The following LIMCH1 variants were observed in gnomAD, a reference collection of about 807,000 sequenced individuals.
LIMCH1 encodes the protein LIM and calponin homology domains-containing protein 1.
Under a neutral mutation model 176.5 loss-of-function variants are expected in LIMCH1, and 113 were observed. The ratio of observed to expected loss-of-function variants is 0.64; its 90% CI spans 0.55 to 0.75. LIMCH1 has a LOEUF of 0.75. LIMCH1 is among the 30% of genes least tolerant of loss of function. The pLI is 0.00. For synonymous variants in LIMCH1, 619 were observed against 645.9 expected (o/e 0.96, Z 0.63); for missense variants, 1,674 against 1,814.9 (o/e 0.92, Z 1.41).
chr4:41,589,155 A>G (rs1325630661), intron 1 of LIMCH1, among the ~76,000 whole-genome samples: 2 of 152,224 alleles, frequency 1.3e-5, no homozygotes, highest in South Asian at 2.1e-4. Context: ...AAGTTTGTAA[A>G]TGAAAGAGCA....
At chr4:41,515,823 G>A (rs934153672) in intron 2 of LIMCH1, among the ~76,000 whole-genome samples, 2 of 152,196 alleles carry the variant, frequency 1.3e-5, no homozygotes, top group South Asian at 2.1e-4. Flanking sequence ...CTAAAGAAGA[G>A]TTGGGAGCTG....
At chr4:41,647,841 G>T (rs2094128335) in intron 17 of LIMCH1, among the ~76,000 whole-genome samples, 2 of 152,218 alleles carry the variant, frequency 1.3e-5, no homozygotes, top group Admixed American at 6.5e-5. Flanking sequence ...CTTAGGCTTT[G>T]ATAGAACAAA....
At chr4:41,507,155 T>C (rs1271900087) in intron 2 of LIMCH1, among the ~76,000 whole-genome samples, 1 of 152,172 alleles carries the variant, frequency 6.6e-6, no homozygotes, top group African/African-American at 2.4e-5. Context: ...GGGGAAGGCG[T>C]GGGGCCAAGG....
At chr4:41,476,934 T>TG (rs1179374927) in intron 1 of LIMCH1, among the ~76,000 whole-genome samples, 5 of 152,214 alleles carry the variant, frequency 3.3e-5, no homozygotes, top group Non-Finnish European at 7.3e-5. Context: ...TTTCTGGATT[T>TG]GGGGGTTTAT....
intron 2 of LIMCH1, among the ~76,000 whole-genome samples, chr4:41,516,230 T>C (rs763081743): frequency 6.6e-6 from 1 of 152,190 alleles, no homozygotes; most frequent in Non-Finnish European, 1.5e-5. Flanking sequence ...GAGGGCATCC[T>C]GTGGCACTTG....
chr4:41,555,770 C>T (rs1007272527), intron 1 of LIMCH1, among the ~76,000 whole-genome samples: 6 of 151,936 alleles, frequency 3.9e-5, no homozygotes, highest in East Asian at 1.9e-4. Context: ...ATTTTTGAGA[C>T]GGTCTCATTC....
intron 2 of LIMCH1, among the ~76,000 whole-genome samples, chr4:41,510,947 G>A (rs1418192437): frequency 6.6e-6 from 1 of 152,190 alleles, no homozygotes; most frequent in African/African-American, 2.4e-5. Flanking sequence ...GGTATCAAGA[G>A]GAAGAAAGAG....
At chr4:41,638,046 T>C (rs2093664067) in intron 13 of LIMCH1, among the ~76,000 whole-genome samples, 1 of 152,216 alleles carries the variant, frequency 6.6e-6, no homozygotes, top group Non-Finnish European at 1.5e-5. Context: ...AGGTAAGAAC[T>C]GACCCTTAAA....
chr4:41,636,721 C>T (rs112298746), intron 13 of LIMCH1, among the ~76,000 whole-genome samples: 24 of 152,214 alleles, frequency 1.6e-4, no homozygotes, highest in African/African-American at 5.8e-4. Flanking sequence ...GTAGAGATGT[C>T]CATGAAATAC....
At chr4:41,603,992 A>G (rs1430095439) in intron 3 of LIMCH1, 87 bp downstream of exon 3, 1 of 1,194,104 alleles carries the variant, frequency 8.4e-7, no homozygotes, top group East Asian at 2.4e-5. Flanking sequence ...GCCTTGCTGG[A>G]AAAAGTCCTT....
chr4:41,475,824 T>C (rs2067649772), intron 1 of LIMCH1, among the ~76,000 whole-genome samples: 1 of 152,152 alleles, frequency 6.6e-6, no homozygotes, highest in Non-Finnish European at 1.5e-5. Flanking sequence ...GGCACGTGTA[T>C]ACCTATGTAA....
intron 2 of LIMCH1, among the ~76,000 whole-genome samples, chr4:41,503,102 T>C (rs1214465846): frequency 6.6e-6 from 1 of 152,168 alleles, no homozygotes; most frequent in Non-Finnish European, 1.5e-5. Flanking sequence ...AGTTTTCCCA[T>C]ATGGTGACAA....
intron 1 of LIMCH1, among the ~76,000 whole-genome samples, chr4:41,596,782 G>C (rs1183833950): frequency 6.6e-6 from 1 of 152,176 alleles, no homozygotes; most frequent in Non-Finnish European, 1.5e-5. Context: ...AGGAGAAACT[G>C]GTGAGGGTGT....
At chr4:41,684,635 C>G (rs1160879807) in intron 27 of LIMCH1, 117 bp downstream of exon 27, 23 of 1,109,174 alleles carry the variant, frequency 2.1e-5, no homozygotes, top group African/African-American at 3.1e-5. Flanking sequence ...CCCTGGACTT[C>G]TAGCTTATGC....
Position 41,630,176 on chromosome 4 carries a change from G to A in LIMCH1, c.1271+442G>A, listed in dbSNP as rs993594621. On this transcript the variant is annotated intron_variant, in intron 9 of 31. Coordinates refer to ENST00000503057, the MANE Select transcript of LIMCH1 (RefSeq NM_001330672.2). ...TTGCTATGTTGCTCAGGCTGATCTCGAACACCTAGGGCTCCTGGGGCTCAA... is the reference window on the plus strand; with the variant it reads ...TTGCTATGTTGCTCAGGCTGATCTCAAACACCTAGGGCTCCTGGGGCTCAA... Among the ~76,000 whole-genome samples the A allele has an allele frequency of 1.6e-4, 25 of 151,922 alleles. 1 individual carries two copies.
At chr4:41,395,647 C>T (rs1348232345) in intron 1 of LIMCH1, among the ~76,000 whole-genome samples, 1 of 152,082 alleles carries the variant, frequency 6.6e-6, no homozygotes, top group Non-Finnish European at 1.5e-5. Flanking sequence ...TCTCAATTTT[C>T]CTGCTCTTAG....
intron 1 of LIMCH1, among the ~76,000 whole-genome samples, chr4:41,460,108 A>G (rs773106262): frequency 4.6e-5 from 7 of 152,170 alleles, no homozygotes; most frequent in Non-Finnish European, 7.3e-5. Context: ...TATGGATCTT[A>G]GAGTCAACAG....
At chr4:41,656,653 T>C (rs2094471404) in intron 18 of LIMCH1, among the ~76,000 whole-genome samples, 1 of 152,102 alleles carries the variant, frequency 6.6e-6, no homozygotes, top group South Asian at 2.1e-4. Flanking sequence ...GAGAAACCCA[T>C]GCACAGCATA....
chr4:41,617,106 G>T (rs2092170242), intron 5 of LIMCH1, among the ~76,000 whole-genome samples: 1 of 151,900 alleles, frequency 6.6e-6, no homozygotes, highest in Admixed American at 6.6e-5. Flanking sequence ...TGTGTGTATA[G>T]ATACTATACA....
Sources: allele counts gnomAD v4.1 joint callset (sites outside exome capture counted in the v4.1 genomes callset), GRCh38; gene constraint gnomAD v4.1.1; transcripts MANE v1.5; gene names NCBI Gene and HGNC (gene_info 2026-07-23, HGNC 2026-07-21).